AGBL4: variants seen among roughly 807,000 people sequenced by gnomAD.
AGBL4 encodes AGBL carboxypeptidase 4, also known as cytosolic carboxypeptidase 6.
AGBL4 carries 58 observed loss-of-function variants against 66.4 expected under a neutral mutation model. The ratio of observed to expected loss-of-function variants is 0.87; its 90% CI spans 0.71 to 1.09. The LOEUF is 1.09. Among genes scored for constraint, AGBL4 ranks in the 50% least tolerant of loss-of-function variants. The pLI, the probability that AGBL4 is intolerant of heterozygous loss-of-function variation, is 0.00. For missense variants in AGBL4, 579 were observed against 631.0 expected, an observed-to-expected ratio of 0.92 and a Z score of 0.88; for synonymous variants, 234 against 222.9, an observed-to-expected ratio of 1.05 and a Z score of -0.44.
intron 3 of AGBL4, among the ~76,000 whole-genome samples, chr1:49,458,467 T>A (rs991050351): frequency 6.6e-6 from 1 of 151,646 alleles, no homozygotes; most frequent in African/African-American, 2.4e-5. Context: ...GTCTTTAGGA[T>A]TTTCTAGGTA....
intron 3 of AGBL4, among the ~76,000 whole-genome samples, chr1:49,542,896 CAAAAAAAAAAAAA>C (rs35734647): frequency 3.5e-4 from 8 of 22,876 alleles, no homozygotes; most frequent in Non-Finnish European, 4.1e-4. Context: ...AAGACTCCAT[CAAAAAAAAAAAAA>C]AAAAAAAAAA....
chr1:50,017,668 T>C (rs1362925558), intron 1 of AGBL4, among the ~76,000 whole-genome samples: 2 of 152,078 alleles, frequency 1.3e-5, no homozygotes, highest in Non-Finnish European at 2.9e-5. Context: ...CACTTATAAG[T>C]GGAAGCTAAA....
At chr1:49,784,625 G>A (rs916184802) in intron 2 of AGBL4, among the ~76,000 whole-genome samples, 1 of 151,826 alleles carries the variant, frequency 6.6e-6, no homozygotes, top group African/African-American at 2.4e-5. Flanking sequence ...AATAGCACAA[G>A]TAACAAAATT....
At chr1:48,591,943 T>C (rs528706843) in intron 9 of AGBL4, among the ~76,000 whole-genome samples, 45 of 152,358 alleles carry the variant, frequency 3.0e-4, no homozygotes, top group Non-Finnish European at 5.3e-4. Context: ...TGCAGAATGA[T>C]TGAAGAAACA....
At chr1:49,212,231 T>C (rs1010766600) in intron 4 of AGBL4, among the ~76,000 whole-genome samples, 9 of 152,124 alleles carry the variant, frequency 5.9e-5, no homozygotes, top group African/African-American at 2.2e-4. Flanking sequence ...ATTTTCTAAA[T>C]ATCCATCTTG....
At chr1:49,774,921 C>T (rs892108134) in intron 2 of AGBL4, among the ~76,000 whole-genome samples, 1 of 151,902 alleles carries the variant, frequency 6.6e-6, no homozygotes, top group Admixed American at 6.6e-5. Context: ...GATAAATACA[C>T]AAAAAGTTAA....
At chr1:49,407,877 G>A (rs1645237099) in intron 3 of AGBL4, among the ~76,000 whole-genome samples, 1 of 152,184 alleles carries the variant, frequency 6.6e-6, no homozygotes, top group African/African-American at 2.4e-5. Context: ...TATGATGTGT[G>A]TTCCTAATAA....
chr1:49,645,668 C>T lies in AGBL4; in HGVS notation c.282+51645G>A, dbSNP rs574731206. On this transcript the variant is annotated intron_variant, in intron 3 of 13. Coordinates refer to ENST00000371839, the MANE Select transcript of AGBL4 (RefSeq NM_032785.4). ...AAATCTCTTTTTAAAAATGGTCTTACCAAAAGATTCTGAATACAATGTTAT... is the reference window on the plus strand; with the variant it reads ...AAATCTCTTTTTAAAAATGGTCTTATCAAAAGATTCTGAATACAATGTTAT... 1.0e-4 allele frequency among the ~76,000 whole-genome samples: 15 copies of T among 150,306 alleles called. No homozygotes were observed. In the South Asian group the frequency reaches 2.9e-3, roughly 29 times the overall value.
At chr1:49,450,142 C>T (rs890569095) in intron 3 of AGBL4, among the ~76,000 whole-genome samples, 1 of 151,982 alleles carries the variant, frequency 6.6e-6, no homozygotes, top group Non-Finnish European at 1.5e-5. Flanking sequence ...CTAGAAACCC[C>T]TTCTCAATTT....
At chr1:49,734,623 CT>C (rs1437093497) in intron 2 of AGBL4, among the ~76,000 whole-genome samples, 1 of 151,842 alleles carries the variant, frequency 6.6e-6, no homozygotes, top group Non-Finnish European at 1.5e-5. Flanking sequence ...AAAAAAATGG[CT>C]TTGGAGAAAT....
At chr1:49,950,043 C>CACATATATAT (rs1655964853) in intron 1 of AGBL4, among the ~76,000 whole-genome samples, 4 of 139,790 alleles carry the variant, frequency 2.9e-5, no homozygotes, top group Non-Finnish European at 6.2e-5. Flanking sequence ...TATATATATA[C>CACATATATAT]ACATATGTGT....
At chr1:49,356,896 AACTT>A (rs1438521595) in intron 3 of AGBL4, among the ~76,000 whole-genome samples, 1 of 152,204 alleles carries the variant, frequency 6.6e-6, no homozygotes, top group Admixed American at 6.5e-5. Context: ...CTTAAAAACA[AACTT>A]CACCTGATTG....
At chr1:49,960,230 C>T (rs558344157) in intron 1 of AGBL4, among the ~76,000 whole-genome samples, 1 of 151,954 alleles carries the variant, frequency 6.6e-6, no homozygotes, top group South Asian at 2.1e-4. Flanking sequence ...AAGTACTATT[C>T]GCCCATAAAA....
At chr1:49,491,836 A>G (rs1281743498) in intron 3 of AGBL4, among the ~76,000 whole-genome samples, 2 of 151,992 alleles carry the variant, frequency 1.3e-5, no homozygotes, top group Non-Finnish European at 2.9e-5. Context: ...TTCAGGGAAT[A>G]TGTTCCAAAA....
chr1:48,691,224 C>A (rs1646627028), intron 6 of AGBL4, among the ~76,000 whole-genome samples: 1 of 148,046 alleles, frequency 6.8e-6, no homozygotes, highest in African/African-American at 2.5e-5. Flanking sequence ...AAAATTTTAC[C>A]AAATGTATCT....
intron 2 of AGBL4, chr1:49,845,697 G>GGAATGTGCTCTGGCTGA: frequency 6.3e-7 from 1 of 1,599,648 alleles, no homozygotes; most frequent in Non-Finnish European, 8.6e-7. Context: ...CCTTCAGCCA[G>GGAATGTGCTCTGGCTGA]AGCACATTCC....
At chr1:48,977,652 C>T (rs1297570365) in intron 5 of AGBL4, among the ~76,000 whole-genome samples, 3 of 152,182 alleles carry the variant, frequency 2.0e-5, no homozygotes, top group Middle Eastern at 3.4e-3. Flanking sequence ...GAAGTAGAAG[C>T]TAAGGCTACC....
chr1:49,996,823 G>A (rs903523182), intron 1 of AGBL4, among the ~76,000 whole-genome samples: 2 of 152,058 alleles, frequency 1.3e-5, no homozygotes, highest in African/African-American at 2.4e-5. Flanking sequence ...AAAGCATCAG[G>A]GAAACTATAA....
intron 2 of AGBL4, among the ~76,000 whole-genome samples, chr1:49,739,098 A>C (rs1356247359): frequency 6.6e-6 from 1 of 152,140 alleles, no homozygotes; most frequent in Non-Finnish European, 1.5e-5. Context: ...CAGACGATCA[A>C]ACTACTCTGA....
Sources: allele counts gnomAD v4.1 joint callset (sites outside exome capture counted in the v4.1 genomes callset), GRCh38; gene constraint gnomAD v4.1.1; transcripts MANE v1.5; gene names NCBI Gene and HGNC (gene_info 2026-07-23, HGNC 2026-07-21).